MYH13: variants seen among roughly 807,000 people sequenced by gnomAD.
MYH13 encodes the protein myosin heavy chain 13.
A neutral mutation model predicts 232.1 loss-of-function variants in MYH13; 177 were observed. The ratio of observed to expected loss-of-function variants is 0.76; its 90% CI spans 0.67 to 0.86. The LOEUF is 0.86. Ranked by LOEUF, MYH13 falls within the 40% of genes least tolerant of loss-of-function variation. MYH13 has a pLI of 0.00. For synonymous variants in MYH13, 884 were observed against 923.5 expected (o/e 0.96, Z 0.78); for missense variants, 2,246 against 2,405.9 (o/e 0.93, Z 1.39).
At chr17:10,345,728 C>G in intron 13 of MYH13, 112 bp from the exon 14 acceptor site, 1 of 1,564,448 alleles carries the variant, frequency 6.4e-7, no homozygotes, top group Non-Finnish European at 8.7e-7. Context: ...GGCGTGGTGG[C>G]TCACACCTGT....
chr17:10,367,662 T>C (rs1406621349), intron 2 of MYH13, among the ~76,000 whole-genome samples: 1 of 152,180 alleles, frequency 6.6e-6, no homozygotes, highest in Non-Finnish European at 1.5e-5. Context: ...ATAAATATTT[T>C]AATAAAAATT....
chr17:10,343,972 C>T lies in MYH13; in HGVS notation c.1722G>A (p.Lys574=). The T allele has an allele frequency of 6.2e-7, 1 of 1,614,232 alleles. No individual in the cohort carries two copies. The highest frequency in any genetic ancestry group is 1.3e-5 in the African/African-American group (1 of 75,064). Residue 574 remains lysine, a synonymous_variant, in exon 16 of 41, where the codon AAG becomes AAA. Transcript: ENST00000252172. The stretch of plus-strand genomic sequence containing the variant: ...GCACCAGCGAGAAGTGAGCCTCAGC[C>T]TTGCCTTTGGCAGGCTTGGGCTTCT... The part of the protein sequence containing the change: ...NFQKPKPAKG[K]AEAHFSLVHY...
Position 10,345,453 on chromosome 17 carries a change from A to T in MYH13, c.1413+14T>A. 1.2e-6 allele frequency: 2 copies of T among 1,614,234 alleles called. No homozygotes were observed. Among genetic ancestry groups the T allele is most frequent in the Non-Finnish European group, 1.7e-6 (2 of 1,180,040 alleles). Reference sequence around the variant, plus strand: ...TCAGCAAAGCAGACAAGAAAGTAGAAGGTCACAACTCACATCAAAGATCTC... The same window carrying T: ...TCAGCAAAGCAGACAAGAAAGTAGATGGTCACAACTCACATCAAAGATCTC... On this transcript the variant is annotated intron_variant, in intron 14 of 40. Coordinates refer to ENST00000252172, the MANE Select transcript of MYH13 (RefSeq NM_003802.3).
At chr17:10,309,197 G>T in intron 35 of MYH13, 37 bp downstream of exon 35, 2 of 1,599,372 alleles carry the variant, frequency 1.3e-6, no homozygotes, top group Non-Finnish European at 1.7e-6. Context: ...ATCTGCCCCA[G>T]GGTGGACCTT....
chr17:10,321,546 G>C lies in MYH13; in HGVS notation c.3097C>G (p.Gln1033Glu). The C allele has an allele frequency of 6.2e-7, 1 of 1,612,156 alleles. No individual in the cohort carries two copies. The highest frequency in any genetic ancestry group is 8.5e-7 in the Non-Finnish European group (1 of 1,179,430). Residue 1033 changes from glutamine (Q) to glutamate (E), a missense_variant, in exon 24 of 41, where the codon CAG becomes GAG. By Grantham distance (29) the Gln-to-Glu change is conservative (BLOSUM62 2). Coordinates refer to ENST00000252172, the MANE Select transcript of MYH13 (RefSeq NM_003802.3). ...AATATCCTCACATCATCTGTTTGCT[G>C]TTCAAGCTTGGCATTTATTTTGATT... ...GLIKINAKLE[Q>E]QTDDLEGSLE...
At chr17:10,364,625 C>G (rs906887230) in intron 2 of MYH13, 83 bp from the exon 3 acceptor site, 16 of 1,226,306 alleles carry the variant, frequency 1.3e-5, no homozygotes, top group Admixed American at 2.1e-5. Flanking sequence ...TCTATTAAAA[C>G]GGGGCCAGAT....
chr17:10,319,054 A>T lies in MYH13; in HGVS notation c.3474T>A (p.Ser1158Arg), dbSNP rs781663301. ...TCTCAATCTGGGCTGAAGTGGCCCCACTGGCTTCTTCCAGCCTCTCGCTGA... is the reference window on the plus strand; with the variant it reads ...TCTCAATCTGGGCTGAAGTGGCCCCTCTGGCTTCTTCCAGCCTCTCGCTGA... Reference protein sequence around the residue: ...EEISERLEEASGATSAQIEMN... With the variant: ...EEISERLEEARGATSAQIEMN... The change falls in exon 27 of 41, where the codon AGT becomes AGA. Residue 1158 changes from serine to arginine, a missense_variant. Coordinates refer to ENST00000252172, the MANE Select transcript of MYH13 (RefSeq NM_003802.3). 5.6e-5 allele frequency: 91 copies of T among 1,613,926 alleles called. No homozygotes were observed. Among genetic ancestry groups the T allele is most frequent in the African/African-American group, 9.4e-5 (7 of 74,860 alleles).
Position 10,360,195 on chromosome 17 carries a change from A to T in MYH13, c.506-7T>A. ...ATAGACTGGTTGTCTCGATCTAGAA[A>T]TGCAGAGGGAAGCAAAACAAAACAA... On this transcript the variant is annotated splice_polypyrimidine_tract_variant and splice_region_variant and intron_variant, in intron 5 of 40. Coordinates refer to ENST00000252172, the MANE Select transcript of MYH13 (RefSeq NM_003802.3). The T allele has an allele frequency of 6.2e-7, 1 of 1,613,090 alleles. No individual in the cohort carries two copies. Among genetic ancestry groups the T allele is most frequent in the Non-Finnish European group, 8.5e-7 (1 of 1,179,428 alleles).
chr17:10,324,288 G>A (rs1907116134), intron 22 of MYH13, 24 bp from the exon 23 acceptor site: 1 of 1,611,442 alleles, frequency 6.2e-7, no homozygotes, highest in Non-Finnish European at 8.5e-7. Flanking sequence ...GTCATTTTAT[G>A]TTTTGATTGG....
chr17:10,317,166 A>G (rs1906745168), intron 27 of MYH13, among the ~76,000 whole-genome samples: 1 of 152,132 alleles, frequency 6.6e-6, no homozygotes, highest in Admixed American at 6.5e-5. Context: ...TTATAGGCAT[A>G]GTGTATGGGG....
intron 23 of MYH13, among the ~76,000 whole-genome samples, chr17:10,321,933 A>G (rs1906953914): frequency 1.3e-5 from 2 of 152,192 alleles, no homozygotes; most frequent in Non-Finnish European, 2.9e-5. Context: ...GGAGGGCATT[A>G]TATTTTACAA....
Position 10,350,551 on chromosome 17 carries a change from G to C in MYH13, c.1144+5C>G. On this transcript the variant is annotated splice_donor_5th_base_variant and intron_variant, in intron 12 of 40. Coordinates refer to ENST00000252172, the MANE Select transcript of MYH13 (RefSeq NM_003802.3). ...CAATCGCATCCCTTTCCCAGATGCA[G>C]TTACCTTCGGTGCCGTCTGGCTCCG... 1 of 1,611,560 alleles carries C rather than the reference G, an allele frequency of 6.2e-7. No homozygotes were observed. Among genetic ancestry groups the C allele is most frequent in the Non-Finnish European group, 8.5e-7 (1 of 1,179,446 alleles).
chr17:10,325,438 A>G (rs978502512), intron 22 of MYH13, among the ~76,000 whole-genome samples: 19 of 152,046 alleles, frequency 1.2e-4, no homozygotes, highest in African/African-American at 4.6e-4. Context: ...CTTGGCTTCT[A>G]AAAGTGTTGG....
intron 2 of MYH13, among the ~76,000 whole-genome samples, chr17:10,369,935 G>A (rs1318284205): frequency 1.3e-5 from 2 of 152,162 alleles, no homozygotes; most frequent in East Asian, 1.9e-4. Context: ...ACCTTCCTAC[G>A]TGACAACTCT....
intron 8 of MYH13, among the ~76,000 whole-genome samples, 158 bp from the exon 9 acceptor site, chr17:10,355,305 G>A (rs560420689): frequency 1.4e-4 from 22 of 152,300 alleles, no homozygotes; most frequent in Admixed American, 1.1e-3. Flanking sequence ...TTTGCATTTT[G>A]GAATGCTGTG....
intron 26 of MYH13, 87 bp downstream of exon 26, chr17:10,320,066 A>C: frequency 4.2e-6 from 4 of 957,420 alleles, no homozygotes; most frequent in Non-Finnish European, 6.4e-6. Flanking sequence ...GAAGGAAAGA[A>C]GCAGCTAAAG....
At position 10,333,118 on chromosome 17, in the gene MYH13, C is replaced by G; in HGVS notation, c.2130G>C (p.Arg710Ser). 1 of 1,551,796 alleles carries G rather than the reference C, an allele frequency of 6.4e-7. No individual in the cohort carries two copies. The highest frequency in any genetic ancestry group is 1.2e-5 in the South Asian group (1 of 84,062). Residue 710 changes from arginine (R) to serine (S), a missense_variant, in exon 19 of 41, where the codon AGG (arginine) becomes AGC (serine). Physicochemically the swap from Arg to Ser is moderately radical, Grantham distance 110. Transcript: ENST00000252172. ...NGVLEGIRICRKGFPSRILYA... is the reference protein window; with the variant it reads ...NGVLEGIRICSKGFPSRILYA... ...AGAGGATCCGGCTGGGGAATCCCTTCCTGCAAATCCGGATGCCCTCGAGGA... is the reference window on the plus strand; with the variant it reads ...AGAGGATCCGGCTGGGGAATCCCTTGCTGCAAATCCGGATGCCCTCGAGGA...
In MYH13 at chr17:10,328,018, C is replaced by T. The variant is rs186137259; in HGVS notation, c.2539G>A (p.Ala847Thr). Residue 847 changes from alanine (A) to threonine (T), a missense_variant, in exon 22 of 41, where the codon GCA becomes ACA. Ala to Thr is a moderately conservative substitution (Grantham distance 58, BLOSUM62 0). Transcript: ENST00000252172. Reference sequence around the variant, plus strand: ...GTGGCCATCTCCTTCTCGGCCTCTGCACTCTTCAGCAGGGGCTTGATTTTG... The same window carrying T: ...GTGGCCATCTCCTTCTCGGCCTCTGTACTCTTCAGCAGGGGCTTGATTTTG... The part of the protein sequence containing the change: ...FFKIKPLLKS[A>T]EAEKEMATMK... 8.4e-3 allele frequency: 13,492 copies of T among 1,614,152 alleles called. 81 individuals carry two copies. Among genetic ancestry groups the T allele is most frequent in the Non-Finnish European group, 9.8e-3 (11,584 of 1,180,024 alleles).
chr17:10,303,172 C>T (rs774892955), intron 39 of MYH13, 24 bp downstream of exon 39: 9 of 1,608,646 alleles, frequency 5.6e-6, no homozygotes, highest in East Asian at 2.2e-5. Flanking sequence ...TCTGTGGGCA[C>T]TGCCGGGGAC....
Sources: gnomAD v4.1 joint callset for allele counts (sites outside exome capture counted in the v4.1 genomes callset) on GRCh38, gnomAD v4.1.1 for gene constraint, MANE v1.5 for transcripts, NCBI Gene and HGNC (gene_info 2026-07-23, HGNC 2026-07-21) for gene names.